The following DCHS2 variants were observed in gnomAD, a reference collection of about 807,000 sequenced individuals.
The protein encoded by DCHS2 is dachsous cadherin-related 2.
Under a neutral mutation model 182.4 loss-of-function variants are expected in DCHS2, and 142 were observed. That is an observed-to-expected ratio of 0.78 (90% CI 0.68 to 0.89). The LOEUF is 0.89. Ranked by LOEUF, DCHS2 falls within the 40% of genes least tolerant of loss-of-function variation. DCHS2 has a pLI of 0.00. For missense variants in DCHS2, 4,319 were observed against 4,198.6 expected (o/e 1.03, Z -0.79); for synonymous variants, 1,740 against 1,663.3 (o/e 1.05, Z -1.12).
chr4:154,426,793 T>TAAAAATAAAAATA (rs375729740), intron 1 of DCHS2, among the ~76,000 whole-genome samples: 43 of 145,666 alleles, frequency 3.0e-4, no homozygotes, highest in African/African-American at 9.9e-4. Flanking sequence ...AACTTAAAAA[T>TAAAAATAAAAATA]AAAATAAAAT....
At chr4:154,251,558 G>T (rs1257175583) in intron 16 of DCHS2, among the ~76,000 whole-genome samples, 1 of 152,006 alleles carries the variant, frequency 6.6e-6, no homozygotes, top group Non-Finnish European at 1.5e-5. Context: ...CACTCTTGTT[G>T]CCCAGGCTGG....
At chr4:154,386,978 A>G (rs1269302822) in intron 1 of DCHS2, among the ~76,000 whole-genome samples, 5 of 152,220 alleles carry the variant, frequency 3.3e-5, no homozygotes, top group African/African-American at 1.2e-4. Flanking sequence ...AGCTAGGCAA[A>G]AAGAAAAGAA....
At chr4:154,291,771 GA>G (rs1734670588) in intron 13 of DCHS2, among the ~76,000 whole-genome samples, 3 of 152,060 alleles carry the variant, frequency 2.0e-5, no homozygotes, top group Non-Finnish European at 2.9e-5. Context: ...TAGAAATACA[GA>G]GAAGAAGGAT....
intron 17 of DCHS2, among the ~76,000 whole-genome samples, chr4:154,241,852 T>C (rs985033313): frequency 6.6e-6 from 1 of 152,190 alleles, no homozygotes; most frequent in Non-Finnish European, 1.5e-5. Flanking sequence ...TTTGTAGATA[T>C]CTCTATGCAT....
At chr4:154,456,246 A>G (rs1734760947) in intron 1 of DCHS2, among the ~76,000 whole-genome samples, 1 of 152,118 alleles carries the variant, frequency 6.6e-6, no homozygotes. Context: ...CTTTCTTTTA[A>G]TTTGCTATCT....
At chr4:154,485,488 T>C (rs1164815535) in intron 1 of DCHS2, among the ~76,000 whole-genome samples, 1 of 152,198 alleles carries the variant, frequency 6.6e-6, no homozygotes, top group Non-Finnish European at 1.5e-5. Flanking sequence ...CAGGCACATG[T>C]CATTCATTCA....
At chr4:154,330,029 C>T (rs530935626) in intron 5 of DCHS2, among the ~76,000 whole-genome samples, 11 of 152,342 alleles carry the variant, frequency 7.2e-5, no homozygotes, top group African/African-American at 2.6e-4. Context: ...AAAACTGCTG[C>T]TTATCCCTCT....
At chr4:154,471,573 G>A (rs1443691942) in intron 1 of DCHS2, among the ~76,000 whole-genome samples, 2 of 151,972 alleles carry the variant, frequency 1.3e-5, no homozygotes, top group Non-Finnish European at 2.9e-5. Context: ...ATAAATCCAG[G>A]GTTGAATTTA....
At chr4:154,271,937 G>A (rs1733621306) in intron 13 of DCHS2, among the ~76,000 whole-genome samples, 1 of 151,954 alleles carries the variant, frequency 6.6e-6, no homozygotes, top group Admixed American at 6.6e-5. Context: ...GCCCATTTCA[G>A]TTTTCTCTCA....
chr4:154,407,952 C>A (rs561483206), intron 1 of DCHS2, among the ~76,000 whole-genome samples: 16 of 152,128 alleles, frequency 1.1e-4, no homozygotes, highest in Non-Finnish European at 1.5e-5. Flanking sequence ...TATAACTAGA[C>A]CCTCCCTGCT....
At chr4:154,380,384 C>T (rs10033250) in intron 1 of DCHS2, among the ~76,000 whole-genome samples, 1,889 of 152,202 alleles carry the variant, frequency 0.012, 31 homozygotes, top group African/African-American at 0.041. Flanking sequence ...GAACTAAACT[C>T]CAAATACATT....
In DCHS2 at chr4:154,233,070, GGAA is replaced by G. The variant is rs927696898; in HGVS notation, c.*1463_*1465del. On this transcript the variant is annotated 3_prime_UTR_variant, in exon 20 of 20. Coordinates refer to ENST00000357232, the MANE Select transcript of DCHS2 (RefSeq NM_001358235.2). ...ACAAAATTTCACAGATGAGGCCTAT[GGAA>G]GAAGAACACAAAGGAACTATATCTG... 2.0e-5 allele frequency: 3 copies of G among 152,156 alleles called. No homozygotes were observed. Among genetic ancestry groups the G allele is most frequent in the African/African-American group, 7.2e-5 (3 of 41,444 alleles). 9.4% of individuals were successfully genotyped at this position (152,156 alleles called of 1,614,324 possible). A position where few individuals can be genotyped will look rare whatever the true frequency, so the allele number is the denominator to read the frequency against.
Position 154,236,192 on chromosome 4 carries a change from A to G in DCHS2, c.8460T>C (p.Tyr2820=), listed in dbSNP as rs750803132. 4 of 1,613,834 alleles carry G rather than the reference A, an allele frequency of 2.5e-6. No homozygotes were observed. The highest frequency in any genetic ancestry group is 3.4e-6 in the Non-Finnish European group (4 of 1,179,960). The change falls in exon 20 of 20, where the codon TAT becomes TAC. Residue 2820 remains tyrosine, a synonymous_variant. Transcript: ENST00000357232. ...SPCFLTHGMS[Y]DHDLFLIDPL... is the part of the protein sequence containing the mutation. ...GGTCAATGAGGAAGAGATCATGATC[A>G]TAAGACATTCCATGAGTGAGAAAAC...
At chr4:154,328,072 C>T (rs747016957) in intron 7 of DCHS2, 21 bp downstream of exon 7, 14 of 1,547,686 alleles carry the variant, frequency 9.0e-6, no homozygotes, top group East Asian at 4.6e-5. Context: ...TTCTTAATCC[C>T]GTATGAACAG....
intron 13 of DCHS2, among the ~76,000 whole-genome samples, chr4:154,277,509 A>G (rs1201900997): frequency 6.6e-6 from 1 of 152,118 alleles, no homozygotes; most frequent in Non-Finnish European, 1.5e-5. Flanking sequence ...TCATCCCCAG[A>G]AAACCTTTAG....
chr4:154,241,284 T>C (rs1731812286), intron 17 of DCHS2, among the ~76,000 whole-genome samples: 1 of 152,152 alleles, frequency 6.6e-6, no homozygotes, highest in South Asian at 2.1e-4. Flanking sequence ...AATTAGATAC[T>C]TATTTCCTTA....
intron 1 of DCHS2, among the ~76,000 whole-genome samples, chr4:154,388,283 C>G (rs1251550083): frequency 1.3e-5 from 2 of 150,946 alleles, no homozygotes; most frequent in African/African-American, 4.9e-5. Context: ...TATTTAAAGA[C>G]ACAATAAAAT....
intron 15 of DCHS2, 55 bp downstream of exon 15, chr4:154,259,486 TCACA>T: frequency 1.3e-6 from 2 of 1,567,316 alleles, no homozygotes; most frequent in Admixed American, 3.5e-5. Flanking sequence ...TCTCTCTCTC[TCACA>T]CAGACACACC....
rs112609071 is a variant in DCHS2, at chr4:154,332,770, T to C, written c.3438A>G (p.Arg1146=). 1 of 1,614,222 alleles carries C rather than the reference T, an allele frequency of 6.2e-7. No homozygotes were observed. The highest frequency in any genetic ancestry group is 1.1e-5 in the South Asian group (1 of 91,080). The change falls in exon 5 of 20, where the codon CGA becomes CGG. Residue 1146 remains arginine (R), a synonymous_variant. Transcript: ENST00000357232. ...TTTGGGTGGATTCATAGTCAAACTG[T>C]CGCCGCAAATAAATCCAGCCCGTGT... is the stretch of plus-strand genomic sequence containing the variant. ...RPYTGWIYLR[R]QFDYESTQTY... is the part of the protein sequence containing the mutation.
Sources: allele counts gnomAD v4.1 joint callset (sites outside exome capture counted in the v4.1 genomes callset), GRCh38; gene constraint gnomAD v4.1.1; transcripts MANE v1.5; gene names NCBI Gene and HGNC (gene_info 2026-07-23, HGNC 2026-07-21).